Variants in SEPTIN9 observed in about 807,000 individuals in gnomAD.
SEPTIN9 encodes the protein septin 9, also known as septin-9.
SEPTIN9 carries 13 observed loss-of-function variants against 56.6 expected under a neutral mutation model. That is an observed-to-expected ratio of 0.23 (90% confidence interval 0.15 to 0.37). The LOEUF (loss-of-function observed/expected upper bound fraction) is 0.37, where lower values mean the gene tolerates loss of function less well. SEPTIN9 is among the 10% of genes least tolerant of loss of function. The probability of loss-of-function intolerance (pLI) is 1.00; values close to 1 mark genes in which losing one functional copy is unlikely to be tolerated. For missense variants in SEPTIN9, 650 were observed against 823.1 expected (o/e 0.79, Z 2.57); for synonymous variants, 332 against 334.1 (o/e 0.99, Z 0.07).
chr17:77,449,320 C>T lies in SEPTIN9; in HGVS notation c.722-32824C>T, dbSNP rs557129752. On this transcript the variant is annotated intron_variant, in intron 3 of 11. Transcript: ENST00000427177. The surrounding 1 kb of genome is among the most constrained non-coding windows in gnomAD (Gnocchi z 4.6). ...ATGCCTTCTCTGTGCTCTGGAGACC[C>T]TCATTTGGTGACAGCAAGAGGAACC... 7.2e-5 allele frequency among the ~76,000 whole-genome samples: 11 copies of T among 152,262 alleles called. No individual in the cohort carries two copies. The South Asian group carries it at 2.3e-3, about 32-fold the overall frequency.
chr17:77,432,956 G>A (rs1270409926), intron 3 of SEPTIN9, among the ~76,000 whole-genome samples: 1 of 152,196 alleles, frequency 6.6e-6, no homozygotes, highest in African/African-American at 2.4e-5. Context: ...GGCTGGGGGT[G>A]GGTAGTGGTG....
rs545644893 is a variant in SEPTIN9 at position 77,409,556 on chromosome 17, G to A, written c.721+6853G>A. On this transcript the variant is annotated intron_variant, in intron 3 of 11. Coordinates refer to ENST00000427177, the MANE Select transcript of SEPTIN9 (RefSeq NM_001113491.2). ...GCGCTGGGGGCGGTTTCTCTGCTCCGCCCCCTGCAGCTCTGTGGCCCTGAC... is the reference window on the plus strand; with the variant it reads ...GCGCTGGGGGCGGTTTCTCTGCTCCACCCCCTGCAGCTCTGTGGCCCTGAC... Among the ~76,000 whole-genome samples, 6 of 152,294 alleles carry A rather than the reference G, an allele frequency of 3.9e-5. 1 individual carries two copies. The South Asian group carries it at 8.3e-4, about 21-fold the overall frequency.
chr17:77,283,154 G>A (rs2031111226), intron 1 of SEPTIN9, among the ~76,000 whole-genome samples: 1 of 137,062 alleles, frequency 7.3e-6, no homozygotes, highest in Admixed American at 8.4e-5. Flanking sequence ...ACCCCTCACT[G>A]GGTTTCTTTT....
rs1344245634 is a variant in SEPTIN9 at position 77,475,186 on chromosome 17, T to C, written c.722-6958T>C. On this transcript the variant is annotated intron_variant, in intron 3 of 11. Transcript: ENST00000427177. The surrounding 1 kb of genome is among the most constrained non-coding windows in gnomAD (Gnocchi z 4.6). ...GAGCGTGATGGATGAGGTGTCTGGCTTCACAAACCCTGTGTGGGGGGGTTG... is the reference window on the plus strand; with the variant it reads ...GAGCGTGATGGATGAGGTGTCTGGCCTCACAAACCCTGTGTGGGGGGGTTG... The C allele has an allele frequency of 1.7e-6, 2 of 1,186,126 alleles. No individual in the cohort carries two copies. The highest frequency in any genetic ancestry group is 2.1e-6 in the Non-Finnish European group (2 of 951,412). The allele number at this position is 1,186,126 out of a possible 1,614,324, so 73.5% of individuals were successfully genotyped here.
intron 3 of SEPTIN9, among the ~76,000 whole-genome samples, chr17:77,426,503 A>G (rs1304122859): frequency 1.3e-5 from 2 of 151,866 alleles, no homozygotes; most frequent in Admixed American, 6.6e-5. Context: ...GTGAGACCCT[A>G]CGTCACCTGG....
rs1053510421 is a variant in SEPTIN9 at position 77,329,398 on chromosome 17, C to T, written c.76+22201C>T. On this transcript the variant is annotated intron_variant, in intron 2 of 11. Transcript: ENST00000427177. The surrounding 1 kb of genome is among the most constrained non-coding windows in gnomAD (Gnocchi z 4.3). Reference sequence around the variant, plus strand: ...GCCGGCCCTGCCCAGCCTTGCACTGCCCTGTGCTGCCCTGGTGGCTGCCGG... The same window carrying T: ...GCCGGCCCTGCCCAGCCTTGCACTGTCCTGTGCTGCCCTGGTGGCTGCCGG... Among the ~76,000 whole-genome samples, 2 of 152,216 alleles carry T rather than the reference C, an allele frequency of 1.3e-5. No homozygotes were observed. The highest frequency in any genetic ancestry group is 2.4e-5 in the African/African-American group (1 of 41,460).
rs2037246892 is a variant in SEPTIN9, at chr17:77,433,973, T to C, written c.721+31270T>C. Among the ~76,000 whole-genome samples the C allele has an allele frequency of 2.0e-5, 3 of 152,170 alleles. No individual in the cohort carries two copies. The highest frequency in any genetic ancestry group is 7.2e-5 in the African/African-American group (3 of 41,432). The stretch of plus-strand genomic sequence containing the variant: ...TCGGGGGACTTCCCAGCACAGAGCT[T>C]TCTGGCCTCTGCAGGGACGCTGTGT... On this transcript the variant is annotated intron_variant, in intron 3 of 11. Coordinates refer to ENST00000427177, the MANE Select transcript of SEPTIN9 (RefSeq NM_001113491.2). This position sits in a 1 kb window ranked among gnomAD's most constrained non-coding sequence, Gnocchi z 6.4.
At chr17:77,403,449 C>G (rs558054147) in intron 3 of SEPTIN9, among the ~76,000 whole-genome samples, 2 of 152,324 alleles carry the variant, frequency 1.3e-5, no homozygotes, top group African/African-American at 4.8e-5. Context: ...TGGGAGGGCT[C>G]AAGCCCACAG....
At chr17:77,373,971 G>C (rs1378688394) in intron 2 of SEPTIN9, 1 of 164,426 alleles carries the variant, frequency 6.1e-6, no homozygotes, top group African/African-American at 2.4e-5. Context: ...GCGGCTCTCG[G>C]GCCCCGCTTG....
chr17:77,372,735 TG>T (rs1000577732), intron 2 of SEPTIN9, among the ~76,000 whole-genome samples: 11 of 151,316 alleles, frequency 7.3e-5, no homozygotes, highest in Non-Finnish European at 1.6e-4. Context: ...GTGGTCGTGG[TG>T]GGGGTGTTAG....
intron 3 of SEPTIN9, among the ~76,000 whole-genome samples, chr17:77,439,528 G>A (rs962400225): frequency 6.6e-6 from 1 of 152,192 alleles, no homozygotes; most frequent in Non-Finnish European, 1.5e-5. Flanking sequence ...CCACCTTGCC[G>A]CAGCTGCACC....
chr17:77,368,068 A>G (rs2143885664), intron 2 of SEPTIN9, among the ~76,000 whole-genome samples: 1 of 152,360 alleles, frequency 6.6e-6, no homozygotes, highest in Admixed American at 6.5e-5. Context: ...AGCCTGTCTC[A>G]CAAGGACAAA....
At chr17:77,331,767 G>C (rs2033371592) in intron 2 of SEPTIN9, among the ~76,000 whole-genome samples, 1 of 152,186 alleles carries the variant, frequency 6.6e-6, no homozygotes, top group Non-Finnish European at 1.5e-5. Context: ...ACAGGCACGG[G>C]GGTGCCTCCT....
At chr17:77,342,939 C>T (rs537659567) in intron 2 of SEPTIN9, among the ~76,000 whole-genome samples, 1 of 152,132 alleles carries the variant, frequency 6.6e-6, no homozygotes, top group Non-Finnish European at 1.5e-5. Flanking sequence ...TGCACTACTG[C>T]ACTCCAGCCT....
chr17:77,452,062 C>G (rs2037996787), intron 3 of SEPTIN9, among the ~76,000 whole-genome samples: 1 of 152,232 alleles, frequency 6.6e-6, no homozygotes, highest in African/African-American at 2.4e-5. Context: ...CAGGGAGCTG[C>G]TGCTACAGCG....
intron 3 of SEPTIN9, among the ~76,000 whole-genome samples, chr17:77,423,619 G>A (rs1342433733): frequency 2.0e-5 from 3 of 152,226 alleles, no homozygotes; most frequent in Non-Finnish European, 4.4e-5. Context: ...TAGCACCCTC[G>A]ATCTCAGCGC....
chr17:77,437,642 G>A lies in SEPTIN9; in HGVS notation c.721+34939G>A, dbSNP rs976694405. Among the ~76,000 whole-genome samples, 21 of 152,062 alleles carry A rather than the reference G, an allele frequency of 1.4e-4. No individual in the cohort carries two copies. The highest frequency in any genetic ancestry group is 5.9e-4 in the Admixed American group (9 of 15,280). On this transcript the variant is annotated intron_variant, in intron 3 of 11. Coordinates refer to ENST00000427177, the MANE Select transcript of SEPTIN9 (RefSeq NM_001113491.2). This position sits in a 1 kb window ranked among gnomAD's most constrained non-coding sequence, Gnocchi z 5.3. The stretch of plus-strand genomic sequence containing the variant: ...CTCAGAGGGGCCTGCCGTCACCATC[G>A]CCAGTGGCCCTGGCCTGCCCAGTCA...
intron 1 of SEPTIN9, chr17:77,294,914 C>T (rs1227570509): frequency 6.6e-6 from 1 of 152,160 alleles, no homozygotes; most frequent in Non-Finnish European, 1.5e-5. Flanking sequence ...GTGAGTGGAG[C>T]GAGTATTGCT....
In SEPTIN9 at chr17:77,433,640, C is replaced by T. The variant is rs1282521585; in HGVS notation, c.721+30937C>T. 6.6e-6 allele frequency among the ~76,000 whole-genome samples: 1 copy of T among 152,210 alleles called. No individual in the cohort carries two copies. The highest frequency in any genetic ancestry group is 1.5e-5 in the Non-Finnish European group (1 of 68,020). The stretch of plus-strand genomic sequence containing the variant: ...AGAGGGGTGGGGCTGGAGCGGGCGT[C>T]TGACCTGTGGCTGGATCTAGCTGCC... On this transcript the variant is annotated intron_variant, in intron 3 of 11. Transcript: ENST00000427177. The surrounding 1 kb of genome is among the most constrained non-coding windows in gnomAD (Gnocchi z 6.4).
Sources: allele counts gnomAD v4.1 joint callset (sites outside exome capture counted in the v4.1 genomes callset), GRCh38; gene constraint gnomAD v4.1.1; non-coding constraint Gnocchi (gnomAD v3.1); transcripts MANE v1.5; gene names NCBI Gene and HGNC (gene_info 2026-07-23, HGNC 2026-07-21).